Variants in HOGA1 observed in about 807,000 individuals in gnomAD.
HOGA1 encodes 4-hydroxy-2-oxoglutarate aldolase 1.
HOGA1 carries 30 observed loss-of-function variants against 34.3 expected under a neutral mutation model. That is an observed-to-expected ratio of 0.87 (90% CI 0.65 to 1.19). The LOEUF (loss-of-function observed/expected upper bound fraction) is 1.19. HOGA1 is among the 50% of genes most tolerant of loss of function. The probability of loss-of-function intolerance (pLI) is 0.00; values close to 1 mark genes in which losing one functional copy is unlikely to be tolerated. For synonymous variants in HOGA1, 161 were observed against 174.0 expected, an observed-to-expected ratio of 0.93 and a Z score of 0.59; for missense variants, 417 against 436.5, an observed-to-expected ratio of 0.96 and a Z score of 0.40.
intron 1 of HOGA1, among the ~76,000 whole-genome samples, chr10:97,596,724 AAAG>A (rs1335768116): frequency 6.6e-6 from 1 of 152,020 alleles, no homozygotes; most frequent in Admixed American, 6.6e-5. Context: ...AAAAAAAAAA[AAAG>A]CAGCTAAATA....
intron 6 of HOGA1, chr10:97,602,529 T>C: frequency 2.0e-6 from 2 of 985,414 alleles, no homozygotes; most frequent in Non-Finnish European, 2.4e-6. Flanking sequence ...CCCATCAAGT[T>C]CAGGGTCATT....
intron 1 of HOGA1, among the ~76,000 whole-genome samples, chr10:97,585,211 G>T (rs576892615): frequency 1.3e-5 from 2 of 152,206 alleles, no homozygotes; most frequent in Non-Finnish European, 2.9e-5. Context: ...TGGATAATGG[G>T]CGTGAAAGTC....
chr10:97,610,651 C>T (rs1027280018), intron 6 of HOGA1, among the ~76,000 whole-genome samples: 12 of 151,800 alleles, frequency 7.9e-5, no homozygotes, highest in African/African-American at 9.7e-5. Context: ...TAAAATAAAA[C>T]GAGCTTGGTG....
At chr10:97,602,735 G>T (rs1471259133) in intron 6 of HOGA1, 1 of 398,998 alleles carries the variant, frequency 2.5e-6, no homozygotes, top group Non-Finnish European at 3.4e-6. Flanking sequence ...GCCCAGGCTG[G>T]AGTGCAGCAA....
chr10:97,594,762 A>AT (rs2041056176), intron 1 of HOGA1, among the ~76,000 whole-genome samples: 1 of 152,160 alleles, frequency 6.6e-6, no homozygotes, highest in Non-Finnish European at 1.5e-5. Context: ...AAGTGCTGGG[A>AT]TTACAGGTGT....
chr10:97,600,266 T>A (rs749695055), intron 5 of HOGA1, 103 bp downstream of exon 5: 3 of 993,842 alleles, frequency 3.0e-6, no homozygotes, highest in Non-Finnish European at 4.8e-6. Context: ...GGTCTGCAGA[T>A]GGTAGTTTGC....
In HOGA1 at chr10:97,611,647, C is replaced by T. The variant is rs768941544; in HGVS notation, c.972C>T (p.Asn324=). 26 of 1,613,346 alleles carry T rather than the reference C, an allele frequency of 1.6e-5. No individual in the cohort carries two copies. The South Asian group carries it at 1.9e-4, about 12-fold the overall frequency. The change falls in exon 7 of 7, where the codon AAC becomes AAT. Residue 324 remains asparagine, a synonymous_variant. Coordinates refer to ENST00000370646, the MANE Select transcript of HOGA1 (RefSeq NM_138413.4). ...EEALRMDFTS[N]GWL is the part of the protein sequence containing the mutation. ...CACTGCGCATGGATTTCACCAGCAA[C>T]GGCTGGCTCTGAGGGCAGGCAGGGT...
Position 97,584,629 on chromosome 10 carries a change from T to G in HOGA1, c.-75T>G. 7.8e-7 allele frequency: 1 copy of G among 1,287,136 alleles called. No homozygotes were observed. Among genetic ancestry groups the G allele is most frequent in the Non-Finnish European group, 1.1e-6 (1 of 917,828 alleles). 79.7% of individuals were successfully genotyped at this position (1,287,136 alleles called of 1,614,324 possible). On this transcript the variant is annotated 5_prime_UTR_variant, in exon 1 of 7. Transcript: ENST00000370646. The stretch of plus-strand genomic sequence containing the variant: ...TTTAACTAGAAACATTGATCATTAA[T>G]AGGGGGTTAGAAAGAGTTCAAACTA...
At chr10:97,604,837 C>T (rs1355385952) in intron 6 of HOGA1, among the ~76,000 whole-genome samples, 1 of 152,050 alleles carries the variant, frequency 6.6e-6, no homozygotes, top group African/African-American at 2.4e-5. Context: ...CAAAAATTAG[C>T]TGGGCATGGT....
At chr10:97,596,060 C>G (rs2041069004) in intron 1 of HOGA1, among the ~76,000 whole-genome samples, 1 of 152,206 alleles carries the variant, frequency 6.6e-6, no homozygotes, top group South Asian at 2.1e-4. Context: ...AGGAAACAGA[C>G]TCAAAGATGT....
intron 1 of HOGA1, among the ~76,000 whole-genome samples, chr10:97,596,214 G>A (rs906225617): frequency 6.6e-6 from 1 of 152,210 alleles, no homozygotes; most frequent in Non-Finnish European, 1.5e-5. Flanking sequence ...AGACAGAAGA[G>A]AGGGCTGTGT....
intron 2 of HOGA1, 54 bp from the exon 3 acceptor site, chr10:97,599,035 G>A (rs1354651994): frequency 8.1e-6 from 13 of 1,608,856 alleles, no homozygotes; most frequent in African/African-American, 1.3e-5. Flanking sequence ...TTGGCCCAGT[G>A]TCCTGGTCCA....
chr10:97,606,381 T>C (rs530630106), intron 6 of HOGA1, among the ~76,000 whole-genome samples: 1 of 152,280 alleles, frequency 6.6e-6, no homozygotes, highest in South Asian at 2.1e-4. Flanking sequence ...TTTTATAGCT[T>C]TATGTTTTAT....
Position 97,601,870 on chromosome 10 carries a change from C to T in HOGA1, c.714C>T (p.Gly238=), listed in dbSNP as rs564056266. 57 of 1,612,322 alleles carry T rather than the reference C, an allele frequency of 3.5e-5. No homozygotes were observed. In the Middle Eastern group the frequency reaches 6.6e-4, roughly 19 times the overall value. ...MASYALGAVG[G]VCALANVLGA... ...TACTTCGTGCAGGAGCTGTGGGGGG[C>T]GTCTGCGCCCTGGCCAATGTCCTGG... is the stretch of plus-strand genomic sequence containing the variant. Residue 238 remains glycine (G), a synonymous_variant, in exon 6 of 7, where the codon GGC becomes GGT. Coordinates refer to ENST00000370646, the MANE Select transcript of HOGA1 (RefSeq NM_138413.4).
At chr10:97,590,660 T>C in intron 1 of HOGA1, 5 of 1,282,772 alleles carry the variant, frequency 3.9e-6, no homozygotes, top group Non-Finnish European at 5.5e-6. Flanking sequence ...TTTTCTCTCC[T>C]ATGGGGCCAT....
At chr10:97,607,271 T>C (rs1306005709) in intron 6 of HOGA1, among the ~76,000 whole-genome samples, 2 of 152,152 alleles carry the variant, frequency 1.3e-5, no homozygotes, top group African/African-American at 4.8e-5. Context: ...TGGTGGCCTT[T>C]TGAAGATGAG....
chr10:97,596,025 T>G (rs1282247413), intron 1 of HOGA1, among the ~76,000 whole-genome samples: 1 of 152,206 alleles, frequency 6.6e-6, no homozygotes, highest in Non-Finnish European at 1.5e-5. Flanking sequence ...AGGATTGAAA[T>G]GATTTCACTG....
chr10:97,608,547 G>A (rs777226093), intron 6 of HOGA1, among the ~76,000 whole-genome samples: 6 of 152,140 alleles, frequency 3.9e-5, no homozygotes, highest in South Asian at 2.1e-4. Context: ...GCTCACGCCT[G>A]TAATCCCAGC....
At chr10:97,585,654 A>T (rs2040964219) in intron 1 of HOGA1, among the ~76,000 whole-genome samples, 1 of 152,236 alleles carries the variant, frequency 6.6e-6, no homozygotes, top group African/African-American at 2.4e-5. Context: ...GCCCAAGGTC[A>T]TTCGGCTAAC....
Sources: allele counts gnomAD v4.1 joint callset (sites outside exome capture counted in the v4.1 genomes callset), GRCh38; gene constraint gnomAD v4.1.1; transcripts MANE v1.5; gene names NCBI Gene and HGNC (gene_info 2026-07-23, HGNC 2026-07-21).